Variants in PLD5 observed in about 807,000 individuals in gnomAD.
PLD5 encodes inactive phospholipase D5.
Under a neutral mutation model 61.1 loss-of-function variants are expected in PLD5, and 36 were observed. That is an observed-to-expected ratio of 0.59 (90% CI 0.45 to 0.78). The LOEUF (loss-of-function observed/expected upper bound fraction) is 0.78, where lower values mean the gene tolerates loss of function less well. PLD5 is among the 30% of genes least tolerant of loss of function. The probability of loss-of-function intolerance (pLI) is 0.00; values close to 1 mark genes in which losing one functional copy is unlikely to be tolerated. For synonymous variants in PLD5, 243 were observed against 242.8 expected (o/e 1.00, Z -0.01); for missense variants, 515 against 644.4 (o/e 0.80, Z 2.17).
At chr1:242,164,804 T>G (rs951879710) in intron 5 of PLD5, among the ~76,000 whole-genome samples, 2 of 152,212 alleles carry the variant, frequency 1.3e-5, no homozygotes, top group African/African-American at 4.8e-5. Flanking sequence ...TGCTTAGCAC[T>G]TCTATACTTG....
At chr1:242,158,885 G>A (rs890281091) in intron 5 of PLD5, among the ~76,000 whole-genome samples, 4 of 152,070 alleles carry the variant, frequency 2.6e-5, no homozygotes, top group African/African-American at 9.7e-5. Flanking sequence ...AACCTATTGA[G>A]AGAAAATCTT....
chr1:242,307,679 G>A (rs1201277846), intron 2 of PLD5, among the ~76,000 whole-genome samples: 1 of 151,848 alleles, frequency 6.6e-6, no homozygotes, highest in African/African-American at 2.4e-5. Flanking sequence ...AACCAGCCCT[G>A]GTATGGACTA....
chr1:242,216,753 A>T (rs1174374600), intron 5 of PLD5, among the ~76,000 whole-genome samples: 1 of 152,186 alleles, frequency 6.6e-6, no homozygotes, highest in South Asian at 2.1e-4. Context: ...TATGTCTCTC[A>T]TCCATCACTG....
chr1:242,284,137 T>TCC (rs1674883753), intron 3 of PLD5, among the ~76,000 whole-genome samples: 3 of 127,618 alleles, frequency 2.4e-5, no homozygotes, highest in South Asian at 5.6e-4. Context: ...TTTTTTTTTT[T>TCC]TTTTTTTTTT....
intron 5 of PLD5, among the ~76,000 whole-genome samples, chr1:242,133,559 T>G (rs1313495762): frequency 6.6e-6 from 1 of 152,230 alleles, no homozygotes; most frequent in Non-Finnish European, 1.5e-5. Context: ...AAAGGGGAAG[T>G]GACTTGCAAG....
intron 5 of PLD5, among the ~76,000 whole-genome samples, chr1:242,216,581 A>C (rs1558356059): frequency 6.6e-6 from 1 of 152,194 alleles, no homozygotes; most frequent in East Asian, 1.9e-4. Flanking sequence ...AGTGTTGTTT[A>C]CTCAAGACCT....
chr1:242,373,703 G>GA (rs1364581207), intron 1 of PLD5, among the ~76,000 whole-genome samples: 1 of 152,072 alleles, frequency 6.6e-6, no homozygotes, highest in Admixed American at 6.6e-5. Context: ...CGCAAGGACA[G>GA]AAAACCAAAC....
chr1:242,155,887 T>C (rs1011597002), intron 5 of PLD5, among the ~76,000 whole-genome samples: 1 of 152,174 alleles, frequency 6.6e-6, no homozygotes, highest in Non-Finnish European at 1.5e-5. Flanking sequence ...AGAGCTGAGT[T>C]CAAGTCCTGA....
intron 2 of PLD5, among the ~76,000 whole-genome samples, chr1:242,326,971 TTC>T: frequency 6.6e-6 from 1 of 152,124 alleles, no homozygotes; most frequent in East Asian, 1.9e-4. Context: ...ATTCAAGCGA[TTC>T]TCCTGCCTCA....
At chr1:242,463,846 T>C (rs1667195518) in intron 1 of PLD5, among the ~76,000 whole-genome samples, 1 of 151,060 alleles carries the variant, frequency 6.6e-6, no homozygotes, top group Non-Finnish European at 1.5e-5. Context: ...TTTCCCATAT[T>C]AAAAAAAAAG....
intron 4 of PLD5, among the ~76,000 whole-genome samples, chr1:242,234,720 A>C (rs1173955570): frequency 6.6e-6 from 1 of 152,048 alleles, no homozygotes; most frequent in African/African-American, 2.4e-5. Context: ...ACGTGTGGGC[A>C]CCAGACATGC....
At chr1:242,254,347 T>TAA (rs201965225) in intron 4 of PLD5, among the ~76,000 whole-genome samples, 312 of 71,718 alleles carry the variant, frequency 4.4e-3, no homozygotes, top group Middle Eastern at 0.036. Context: ...CTCATTTAAC[T>TAA]GAAAAAAAAA....
intron 1 of PLD5, among the ~76,000 whole-genome samples, chr1:242,479,881 A>C (rs1283902849): frequency 1.3e-5 from 2 of 149,702 alleles, no homozygotes; most frequent in African/African-American, 5.0e-5. Context: ...GTCTCTACTA[A>C]AAATACAAAA....
chr1:242,391,084 A>C (rs1483379075), intron 1 of PLD5, among the ~76,000 whole-genome samples: 1 of 152,074 alleles, frequency 6.6e-6, no homozygotes, highest in Non-Finnish European at 1.5e-5. Flanking sequence ...AGTCCTAGCT[A>C]CTCGGGAGGC....
intron 1 of PLD5, among the ~76,000 whole-genome samples, chr1:242,450,194 C>T (rs533266104): frequency 6.6e-6 from 1 of 152,314 alleles, no homozygotes; most frequent in Admixed American, 6.5e-5. Context: ...AGCTGGCACA[C>T]AGCAGCAGCT....
At chr1:242,513,167 A>G (rs1345842721) in intron 1 of PLD5, among the ~76,000 whole-genome samples, 1 of 152,140 alleles carries the variant, frequency 6.6e-6, no homozygotes. Flanking sequence ...GGCCTGAGTC[A>G]CCTGCACTCA....
chr1:242,098,809 T>C (rs777776614), intron 9 of PLD5, among the ~76,000 whole-genome samples: 6 of 152,146 alleles, frequency 3.9e-5, no homozygotes, highest in Non-Finnish European at 8.8e-5. Context: ...TCTGTTGGAG[T>C]TTGCTGGAGG....
At chr1:242,516,976 G>A (rs1054850309) in intron 1 of PLD5, among the ~76,000 whole-genome samples, 4 of 152,134 alleles carry the variant, frequency 2.6e-5, no homozygotes, top group Non-Finnish European at 5.9e-5. Flanking sequence ...TTATGTTCAT[G>A]TAAATAGTAA....
intron 5 of PLD5, among the ~76,000 whole-genome samples, chr1:242,137,533 G>C (rs1663831234): frequency 6.6e-6 from 1 of 152,198 alleles, no homozygotes; most frequent in Non-Finnish European, 1.5e-5. Context: ...TTTGGAACCA[G>C]ATTGGCAATC....
Sources: allele counts gnomAD v4.1 joint callset (sites outside exome capture counted in the v4.1 genomes callset), GRCh38; gene constraint gnomAD v4.1.1; transcripts MANE v1.5; gene names NCBI Gene and HGNC (gene_info 2026-07-23, HGNC 2026-07-21).